Variants in OR9Q1 observed in about 807,000 individuals in gnomAD.
OR9Q1 encodes the protein olfactory receptor family 9 subfamily Q member 1.
For missense variants in OR9Q1, 374 were observed against 378.8 expected, an observed-to-expected ratio of 0.99 and a Z score of 0.11; for synonymous variants, 153 against 148.6, an observed-to-expected ratio of 1.03 and a Z score of -0.22.
intron 2 of OR9Q1, among the ~76,000 whole-genome samples, chr11:58,138,184 C>G (rs1854207292): frequency 6.6e-6 from 1 of 152,118 alleles, no homozygotes; most frequent in Non-Finnish European, 1.5e-5. Context: ...TCCTCCTTTC[C>G]CAGAGCAGAG....
intron 1 of OR9Q1, chr11:58,032,079 C>A: frequency 1.8e-6 from 1 of 553,730 alleles, no homozygotes; most frequent in African/African-American, 1.9e-5. Context: ...TAAGGGGAAC[C>A]ACAAAACACT....
At chr11:58,034,339 G>C (rs543302467) in intron 1 of OR9Q1, among the ~76,000 whole-genome samples, 18 of 151,754 alleles carry the variant, frequency 1.2e-4, no homozygotes, top group African/African-American at 4.3e-4. Context: ...TGCCCACCTC[G>C]GCCTCCCAAA....
rs1854633335 is a variant in OR9Q1, at chr11:58,179,012, A to AGAGAGAGAGAGAGAG, written c.-14-419_-14-418insGAGAGAGAGAGAGAG. On this transcript the variant is annotated intron_variant, in intron 2 of 2. Coordinates refer to ENST00000335397, the MANE Select transcript of OR9Q1 (RefSeq NM_001005212.4). ...ATAGAGAGAGAGAGAGAAAGAAAGA[A>AGAGAGAGAGAGAGAG]AGAGAGAGAGAGAGAGAGAGAGAGA... Among the ~76,000 whole-genome samples, 21 of 132,474 alleles carry AGAGAGAGAGAGAGAG rather than the reference A, an allele frequency of 1.6e-4. 1 individual carries two copies. Among genetic ancestry groups the AGAGAGAGAGAGAGAG allele is most frequent in the South Asian group, 1.3e-3 (5 of 3,924 alleles). The allele number at this position is 132,474 out of a possible 152,430, so 86.9% of individuals were successfully genotyped here. A position where few individuals can be genotyped will look rare whatever the true frequency, so the allele number is the denominator to read the frequency against.
At chr11:58,046,873 G>GA (rs927248189) in intron 1 of OR9Q1, among the ~76,000 whole-genome samples, 8 of 150,412 alleles carry the variant, frequency 5.3e-5, no homozygotes, top group South Asian at 2.1e-4. Context: ...TAAAAAAAAA[G>GA]AAAAAAAAAG....
chr11:58,168,153 A>T (rs976331816), intron 2 of OR9Q1, among the ~76,000 whole-genome samples: 9 of 152,206 alleles, frequency 5.9e-5, no homozygotes, highest in African/African-American at 2.2e-4. Flanking sequence ...AGATTTGTCA[A>T]ATCTTAACAT....
chr11:58,106,501 T>G (rs78908496), intron 2 of OR9Q1, among the ~76,000 whole-genome samples: 2,380 of 152,292 alleles, frequency 0.016, 29 homozygotes, highest in Non-Finnish European at 0.025. Flanking sequence ...TTTGGTTTGA[T>G]GTAGTTCCAC....
chr11:58,142,852 T>G (rs1854263703), intron 2 of OR9Q1, among the ~76,000 whole-genome samples: 1 of 152,186 alleles, frequency 6.6e-6, no homozygotes, highest in African/African-American at 2.4e-5. Flanking sequence ...TTGATTCATG[T>G]ATCTCACTGA....
At chr11:58,091,315 C>T (rs1853682282) in intron 2 of OR9Q1, among the ~76,000 whole-genome samples, 1 of 152,020 alleles carries the variant, frequency 6.6e-6, no homozygotes, top group Non-Finnish European at 1.5e-5. Flanking sequence ...ACTAATTTGG[C>T]TGTGTTCCAG....
At chr11:58,034,731 T>TTTCTTTCCTTCC (rs2119922601) in intron 1 of OR9Q1, among the ~76,000 whole-genome samples, 1 of 31,388 alleles carries the variant, frequency 3.2e-5, no homozygotes, top group Admixed American at 4.1e-4. Context: ...TTAAGGTTTC[T>TTTCTTTCCTTCC]TTCTTTCCTT....
At chr11:58,031,335 T>G in intron 1 of OR9Q1, 2 of 1,614,208 alleles carry the variant, frequency 1.2e-6, no homozygotes, top group Non-Finnish European at 1.7e-6. Context: ...GATCGTTATG[T>G]GGCCATTTGT....
At chr11:58,075,845 C>A (rs1457379564) in intron 2 of OR9Q1, among the ~76,000 whole-genome samples, 1 of 152,180 alleles carries the variant, frequency 6.6e-6, no homozygotes, top group East Asian at 1.9e-4. Context: ...CAGTGTGATC[C>A]AGTCTCTTCT....
chr11:58,176,156 CTCT>C (rs1854604577), intron 2 of OR9Q1, among the ~76,000 whole-genome samples: 1 of 152,180 alleles, frequency 6.6e-6, no homozygotes, highest in Non-Finnish European at 1.5e-5. Flanking sequence ...TTCCAAAGCA[CTCT>C]TCTTCCAGAT....
intron 1 of OR9Q1, among the ~76,000 whole-genome samples, chr11:58,053,453 TG>T (rs1367605215): frequency 4.6e-5 from 2 of 43,604 alleles, no homozygotes; most frequent in Non-Finnish European, 8.0e-5. Flanking sequence ...TGTTGTGGGG[TG>T]GGGGGAGGGG....
chr11:58,115,400 C>T (rs1853943199), intron 2 of OR9Q1, among the ~76,000 whole-genome samples: 6 of 152,114 alleles, frequency 3.9e-5, no homozygotes, highest in Admixed American at 3.9e-4. Flanking sequence ...TGTAGCCAAG[C>T]ACTCATCTGG....
chr11:58,054,163 A>C (rs1444245027), intron 1 of OR9Q1, among the ~76,000 whole-genome samples: 1 of 152,230 alleles, frequency 6.6e-6, no homozygotes, highest in Non-Finnish European at 1.5e-5. Context: ...AAATAGTAGA[A>C]AAAGGAAGAT....
At chr11:58,117,050 A>G (rs1853962434) in intron 2 of OR9Q1, 1 of 152,110 alleles carries the variant, frequency 6.6e-6, no homozygotes, top group South Asian at 2.1e-4. Flanking sequence ...GACTTTTATC[A>G]TCATTGGTTG....
intron 2 of OR9Q1, among the ~76,000 whole-genome samples, chr11:58,087,325 A>C (rs1456825203): frequency 1.3e-5 from 2 of 151,792 alleles, no homozygotes; most frequent in Non-Finnish European, 2.9e-5. Context: ...CAATACTAAT[A>C]GCATTGATTA....
At chr11:58,027,532 A>T (rs1852987431) in intron 1 of OR9Q1, among the ~76,000 whole-genome samples, 1 of 152,222 alleles carries the variant, frequency 6.6e-6, no homozygotes, top group Non-Finnish European at 1.5e-5. Context: ...CCTGTGGCTC[A>T]TAAAGCTTAA....
intron 2 of OR9Q1, among the ~76,000 whole-genome samples, chr11:58,082,662 G>T (rs1204821764): frequency 7.2e-6 from 1 of 138,902 alleles, no homozygotes; most frequent in Non-Finnish European, 1.5e-5. Context: ...CGAGTTAATG[G>T]GTGCAGCACA....
Sources: allele counts gnomAD v4.1 joint callset (sites outside exome capture counted in the v4.1 genomes callset), GRCh38; gene constraint gnomAD v4.1.1; transcripts MANE v1.5; gene names NCBI Gene and HGNC (gene_info 2026-07-23, HGNC 2026-07-21).